ZNF480: variants seen among roughly 807,000 people sequenced by gnomAD.
The protein encoded by ZNF480 is zinc finger protein 480.
ZNF480 carries 15 observed loss-of-function variants against 14.4 expected under a neutral mutation model. The observed-to-expected ratio is 1.04, with a 90% CI of 0.70 to 1.60. The LOEUF (loss-of-function observed/expected upper bound fraction) is 1.60, where lower values mean the gene tolerates loss of function less well. Ranked by LOEUF, ZNF480 falls within the 40% of genes most tolerant of loss-of-function variation. ZNF480 has a pLI of 0.00. For missense variants in ZNF480, 593 were observed against 629.7 expected, an observed-to-expected ratio of 0.94 and a Z score of 0.62; for synonymous variants, 218 against 215.5, an observed-to-expected ratio of 1.01 and a Z score of -0.10.
chr19:52,302,980 A>G (rs139489512), intron 2 of ZNF480, among the ~76,000 whole-genome samples: 160 of 152,372 alleles, frequency 1.1e-3, no homozygotes, highest in African/African-American at 3.5e-3. Context: ...GGTGCATTCT[A>G]TTCCTAACTG....
chr19:52,314,282 G>A lies in ZNF480; in HGVS notation c.199+3G>A, dbSNP rs750073283. On this transcript the variant is annotated splice_donor_region_variant and intron_variant, in intron 3 of 4. Coordinates refer to ENST00000595962, the MANE Select transcript of ZNF480 (RefSeq NM_144684.4). ...CTACAGGAACCTGGTCTCCCTGGGT[G>A]AGGATCATGCCCCTGCAGAAGCCGG... The A allele has an allele frequency of 1.9e-6, 3 of 1,545,306 alleles. No homozygotes were observed. Among genetic ancestry groups the A allele is most frequent in the Admixed American group, 1.8e-5 (1 of 55,580 alleles).
At chr19:52,308,945 C>G (rs140932422) in intron 2 of ZNF480, among the ~76,000 whole-genome samples, 1 of 152,114 alleles carries the variant, frequency 6.6e-6, no homozygotes. Flanking sequence ...AAAACATTCC[C>G]TGTCCTAAAT....
At chr19:52,316,088 A>C in intron 4 of ZNF480, 126 bp downstream of exon 4, 1 of 991,728 alleles carries the variant, frequency 1.0e-6, no homozygotes, top group South Asian at 2.9e-5. Context: ...ATGGAGTTTC[A>C]CTGTCATGAA....
At position 52,321,656 on chromosome 19, in the gene ZNF480, C is replaced by T. The variant is rs748325436; in HGVS notation, c.406C>T (p.Leu136=). 3 of 1,613,598 alleles carry T rather than the reference C, an allele frequency of 1.9e-6. No homozygotes were observed. Among genetic ancestry groups the T allele is most frequent in the African/African-American group, 2.7e-5 (2 of 75,020 alleles). Residue 136 remains leucine, a synonymous_variant, in exon 5 of 5, where the codon CTG becomes TTG. Coordinates refer to ENST00000595962, the MANE Select transcript of ZNF480 (RefSeq NM_144684.4). ...ACTTGGAGTATCCTTTCACTTACAT[C>T]TGTCTGAACTGGAGCTATTTCCAGA... The part of the protein sequence containing the change: ...KQLGVSFHLH[L]SELELFPDER...
intron 2 of ZNF480, among the ~76,000 whole-genome samples, chr19:52,310,015 T>A (rs569110249): frequency 1.3e-5 from 2 of 152,094 alleles, no homozygotes; most frequent in African/African-American, 2.4e-5. Context: ...TTCAATATAT[T>A]TTTTTCTTTT....
At chr19:52,309,372 A>G (rs1349308981) in intron 2 of ZNF480, among the ~76,000 whole-genome samples, 3 of 152,006 alleles carry the variant, frequency 2.0e-5, no homozygotes, top group Non-Finnish European at 4.4e-5. Context: ...CCCTTTCTGC[A>G]CCTGCTCTTC....
rs1218021055 is a variant in ZNF480, at chr19:52,322,542, A to G, written c.1292A>G (p.Glu431Gly). The change falls in exon 5 of 5, where the codon GAA (glutamate) becomes GGA (glycine). Residue 431 changes from glutamate to glycine, a missense_variant. Physicochemically the swap from Glu to Gly is moderately conservative, Grantham distance 98. Transcript: ENST00000595962. ...HTGEKPYKCNECGKAFSEYSG... is the reference protein window; with the variant it reads ...HTGEKPYKCNGCGKAFSEYSG... ...GGAGAGAAGCCTTACAAATGTAATG[A>G]ATGTGGTAAAGCATTTAGTGAGTAT... 6.2e-7 allele frequency: 1 copy of G among 1,614,126 alleles called. No individual in the cohort carries two copies. The highest frequency in any genetic ancestry group is 8.5e-7 in the Non-Finnish European group (1 of 1,180,010).
chr19:52,313,669 A>G (rs1215745621), intron 2 of ZNF480, among the ~76,000 whole-genome samples: 2 of 152,194 alleles, frequency 1.3e-5, no homozygotes, highest in African/African-American at 2.4e-5. Context: ...TTTTTAAAAT[A>G]TAACTTCTTT....
chr19:52,302,203 C>A (rs769221356), intron 2 of ZNF480: 9 of 173,618 alleles, frequency 5.2e-5, no homozygotes, highest in Non-Finnish European at 2.4e-5. Context: ...GTTATGGGAT[C>A]TCTCCACCAA....
At position 52,315,813 on chromosome 19, in the gene ZNF480, GA is replaced by G; in HGVS notation, c.200-20del. ...TTTTGGAGATGCTACAGCACATTTT[GA>G]TTTTTTTTTTTACAAACAGGAATCT... On this transcript the variant is annotated intron_variant, in intron 3 of 4. Coordinates refer to ENST00000595962, the MANE Select transcript of ZNF480 (RefSeq NM_144684.4). 1 of 1,594,630 alleles carries G rather than the reference GA, an allele frequency of 6.3e-7. No individual in the cohort carries two copies. The highest frequency in any genetic ancestry group is 8.6e-7 in the Non-Finnish European group (1 of 1,169,236).
intron 3 of ZNF480, 116 bp from the exon 4 acceptor site, chr19:52,315,718 A>G: frequency 7.9e-7 from 1 of 1,270,180 alleles, no homozygotes; most frequent in East Asian, 2.4e-5. Context: ...CAGTCTATGG[A>G]TGAATTTGTG....
At position 52,309,675 on chromosome 19, in the gene ZNF480, G is replaced by A. The variant is rs184088643; in HGVS notation, c.73-4478G>A. ...TCATGCCTGGGCAGGGGTTCTGGTGGGCGTGTGTCACATTTTCACACTCAG... is the reference window on the plus strand; with the variant it reads ...TCATGCCTGGGCAGGGGTTCTGGTGAGCGTGTGTCACATTTTCACACTCAG... On this transcript the variant is annotated intron_variant, in intron 2 of 4. Transcript: ENST00000595962. Among the ~76,000 whole-genome samples the A allele has an allele frequency of 7.2e-5, 11 of 152,298 alleles. No individual in the cohort carries two copies. The East Asian group carries it at 2.1e-3, about 29-fold the overall frequency.
chr19:52,311,164 T>A (rs1021203319), intron 2 of ZNF480, among the ~76,000 whole-genome samples: 2 of 151,920 alleles, frequency 1.3e-5, no homozygotes, highest in African/African-American at 2.4e-5. Context: ...AAATACCAAA[T>A]AGATAAATTT....
intron 3 of ZNF480, among the ~76,000 whole-genome samples, chr19:52,315,082 C>T (rs988424124): frequency 2.6e-5 from 4 of 152,048 alleles, no homozygotes; most frequent in African/African-American, 9.7e-5. Context: ...CCTTAGCCTC[C>T]CTAGTAACTG....
chr19:52,300,559 C>G (rs1287918378), intron 2 of ZNF480, 75 bp downstream of exon 2: 4 of 1,597,042 alleles, frequency 2.5e-6, no homozygotes, highest in African/African-American at 2.7e-5. Flanking sequence ...TGGGAGTCTT[C>G]TCTGAGTCTG....
intron 2 of ZNF480, among the ~76,000 whole-genome samples, chr19:52,308,066 G>A (rs1301241337): frequency 1.3e-5 from 2 of 152,074 alleles, no homozygotes; most frequent in Non-Finnish European, 2.9e-5. Context: ...TGGGGATGAG[G>A]CTTCACTGGG....
At chr19:52,300,566 T>G in intron 2 of ZNF480, 82 bp downstream of exon 2, 2 of 1,593,786 alleles carry the variant, frequency 1.3e-6, no homozygotes, top group Non-Finnish European at 1.7e-6. Context: ...CTTCTCTGAG[T>G]CTGAAGTGTC....
At chr19:52,315,689 C>G in intron 3 of ZNF480, 145 bp from the exon 4 acceptor site, 1 of 906,298 alleles carries the variant, frequency 1.1e-6, no homozygotes. Flanking sequence ...ATAATATTCC[C>G]TAAGCATTCA....
intron 2 of ZNF480, chr19:52,300,855 A>T: frequency 7.7e-6 from 2 of 258,974 alleles, no homozygotes; most frequent in Non-Finnish European, 1.5e-5. Flanking sequence ...ATTCTTAGCA[A>T]GGAGTAGAGA....
Sources: gnomAD v4.1 joint callset for allele counts (sites outside exome capture counted in the v4.1 genomes callset) on GRCh38, gnomAD v4.1.1 for gene constraint, MANE v1.5 for transcripts, NCBI Gene and HGNC (gene_info 2026-07-23, HGNC 2026-07-21) for gene names.